UBE2R2: variants seen among roughly 807,000 people sequenced by gnomAD.
UBE2R2 encodes the protein ubiquitin conjugating enzyme E2 R2, also known as ubiquitin-conjugating enzyme E2 R2.
A neutral mutation model predicts 27.8 loss-of-function variants in UBE2R2; 1 was observed. The ratio of observed to expected loss-of-function variants is 0.04; its 90% CI spans 0.01 to 0.17. UBE2R2 has a LOEUF of 0.17. Ranked by LOEUF, UBE2R2 falls within the 10% of genes least tolerant of loss-of-function variation. The pLI, the probability that UBE2R2 is intolerant of heterozygous loss-of-function variation, is 1.00. For missense variants in UBE2R2, 100 were observed against 291.0 expected, an observed-to-expected ratio of 0.34 and a Z score of 4.78; for synonymous variants, 106 against 113.3, an observed-to-expected ratio of 0.94 and a Z score of 0.41.
intron 1 of UBE2R2, among the ~76,000 whole-genome samples, chr9:33,869,143 CCT>C (rs775970026): frequency 6.6e-6 from 1 of 152,006 alleles, no homozygotes; most frequent in Non-Finnish European, 1.5e-5. Context: ...GTGGTGCAGG[CCT>C]CTAGTCCTAG....
At chr9:33,851,202 C>G (rs945381093) in intron 1 of UBE2R2, among the ~76,000 whole-genome samples, 2 of 151,134 alleles carry the variant, frequency 1.3e-5, no homozygotes, top group African/African-American at 4.9e-5. Context: ...CACAAACTTA[C>G]AAATTCAAAG....
In UBE2R2 at chr9:33,837,482, G is replaced by A. The variant is rs956418196; in HGVS notation, c.177+19548G>A. Reference sequence around the variant, plus strand: ...GCTCTGCTGCCTAAGCTGGAGTGCAGTGGTGCGAACATAGCTTACTGCAAC... The same window carrying A: ...GCTCTGCTGCCTAAGCTGGAGTGCAATGGTGCGAACATAGCTTACTGCAAC... On this transcript the variant is annotated intron_variant, in intron 1 of 4. Transcript: ENST00000263228. 2.0e-5 allele frequency among the ~76,000 whole-genome samples: 3 copies of A among 150,050 alleles called. No individual in the cohort carries two copies. In the East Asian group the frequency reaches 5.9e-4, roughly 29 times the overall value.
In UBE2R2 at chr9:33,911,919, T is replaced by C. The variant is rs572380270; in HGVS notation, c.363-45T>C. On this transcript the variant is annotated intron_variant, in intron 3 of 4. Transcript: ENST00000263228. Reference sequence around the variant, plus strand: ...TAAAAAGCAGAATACTTTTAAATACTGTAAATATGGGTATTCATAGCTGAT... The same window carrying C: ...TAAAAAGCAGAATACTTTTAAATACCGTAAATATGGGTATTCATAGCTGAT... 3.2e-6 allele frequency: 5 copies of C among 1,561,104 alleles called. No individual in the cohort carries two copies. In the South Asian group the frequency reaches 6.1e-5, roughly 19 times the overall value.
intron 1 of UBE2R2, among the ~76,000 whole-genome samples, chr9:33,820,862 A>G (rs1263038913): frequency 6.6e-6 from 1 of 152,154 alleles, no homozygotes; most frequent in Non-Finnish European, 1.5e-5. Flanking sequence ...CAGGATCTGC[A>G]TTGGAGATTT....
chr9:33,820,840 G>A (rs769897266), intron 1 of UBE2R2, among the ~76,000 whole-genome samples: 1 of 152,238 alleles, frequency 6.6e-6, no homozygotes, highest in East Asian at 1.9e-4. Flanking sequence ...GTTGGCTCTT[G>A]TCTCTTACCC....
chr9:33,835,970 T>C (rs1238209437), intron 1 of UBE2R2, among the ~76,000 whole-genome samples: 1 of 152,152 alleles, frequency 6.6e-6, no homozygotes, highest in Non-Finnish European at 1.5e-5. Context: ...AGAAGCTAAG[T>C]GTTGTTTCAA....
rs1178715630 is a variant in UBE2R2 at position 33,829,795 on chromosome 9, T to TG, written c.177+11861_177+11862insG. On this transcript the variant is annotated intron_variant, in intron 1 of 4. Transcript: ENST00000263228. ...AGCATCTTTAGATTAGTGCAATCGT[T>TG]TTTTTTTTTTTTTTTTTTTTAAACA... 8.8e-5 allele frequency among the ~76,000 whole-genome samples: 7 copies of TG among 79,812 alleles called. No individual in the cohort carries two copies. The East Asian group carries it at 4.1e-3, about 46-fold the overall frequency. The allele number at this position is 79,812 out of a possible 152,430, so 52.4% of individuals were successfully genotyped here. A position where few individuals can be genotyped will look rare whatever the true frequency, so the allele number is the denominator to read the frequency against.
At chr9:33,840,570 G>A (rs1017079466) in intron 1 of UBE2R2, among the ~76,000 whole-genome samples, 16 of 152,094 alleles carry the variant, frequency 1.1e-4, no homozygotes, top group Admixed American at 6.6e-5. Flanking sequence ...ACTCTGGTTC[G>A]GTCTCTTTAG....
intron 1 of UBE2R2, among the ~76,000 whole-genome samples, chr9:33,883,309 T>C (rs1821773825): frequency 6.6e-6 from 1 of 152,162 alleles, no homozygotes; most frequent in East Asian, 1.9e-4. Context: ...TTCTATAGGT[T>C]AAGGACTCAG....
chr9:33,829,539 A>G (rs1820397334), intron 1 of UBE2R2, among the ~76,000 whole-genome samples: 1 of 152,222 alleles, frequency 6.6e-6, no homozygotes, highest in South Asian at 2.1e-4. Flanking sequence ...ATCTGTTTTT[A>G]TAAAAAGTTG....
intron 1 of UBE2R2, among the ~76,000 whole-genome samples, chr9:33,853,405 G>A (rs1821016044): frequency 6.7e-6 from 1 of 149,664 alleles, no homozygotes; most frequent in South Asian, 2.1e-4. Context: ...TTCTGCCTCA[G>A]CCTCCTGAAT....
chr9:33,827,299 A>G (rs1297145521), intron 1 of UBE2R2, among the ~76,000 whole-genome samples: 1 of 152,158 alleles, frequency 6.6e-6, no homozygotes, highest in Non-Finnish European at 1.5e-5. Flanking sequence ...ATTGTACTCT[A>G]GCTGGGTAAC....
At chr9:33,875,132 A>G (rs1821574472) in intron 1 of UBE2R2, among the ~76,000 whole-genome samples, 1 of 151,910 alleles carries the variant, frequency 6.6e-6, no homozygotes, top group African/African-American at 2.4e-5. Context: ...TTTACTTTTT[A>G]AAAAACTTTA....
At chr9:33,911,353 G>A (rs1459466349) in intron 3 of UBE2R2, among the ~76,000 whole-genome samples, 1 of 123,774 alleles carries the variant, frequency 8.1e-6, no homozygotes, top group South Asian at 2.7e-4. Context: ...TGGAGGTTGC[G>A]ATCACACCAT....
chr9:33,877,819 G>GTCTCTCTCTCTCTCTCTCTCTC lies in UBE2R2; in HGVS notation c.178-9059_178-9058insCTCTCTCTCTCTCTCTCTCTCT, dbSNP rs1435783363. Among the ~76,000 whole-genome samples, 657 of 92,786 alleles carry GTCTCTCTCTCTCTCTCTCTCTC rather than the reference G, an allele frequency of 7.1e-3. 9 individuals carry two copies. Among genetic ancestry groups the GTCTCTCTCTCTCTCTCTCTCTC allele is most frequent in the South Asian group, 0.029 (74 of 2,550 alleles). The allele number at this position is 92,786 out of a possible 152,430, so 60.9% of individuals were successfully genotyped here. A position where few individuals can be genotyped will look rare whatever the true frequency, so the allele number is the denominator to read the frequency against. On this transcript the variant is annotated intron_variant, in intron 1 of 4. Coordinates refer to ENST00000263228, the MANE Select transcript of UBE2R2 (RefSeq NM_017811.4). ...CCCCTCTCTGTCTGTCTGTCTGTCT[G>GTCTCTCTCTCTCTCTCTCTCTC]TCTGTCTCTCTCTCTCTCTCTCTCT...
At position 33,876,313 on chromosome 9, in the gene UBE2R2, G is replaced by A. The variant is rs1239538573; in HGVS notation, c.178-10568G>A. Among the ~76,000 whole-genome samples the A allele has an allele frequency of 3.3e-5, 5 of 152,208 alleles. No homozygotes were observed. In the South Asian group the frequency reaches 6.2e-4, roughly 19 times the overall value. ...GGAGGTTGCAGTGAGCCAAGATTGC[G>A]CCAATGCACTCTAGCCTGGGCGACA... On this transcript the variant is annotated intron_variant, in intron 1 of 4. Coordinates refer to ENST00000263228, the MANE Select transcript of UBE2R2 (RefSeq NM_017811.4).
intron 2 of UBE2R2, among the ~76,000 whole-genome samples, chr9:33,896,528 C>T (rs1255718964): frequency 6.6e-6 from 1 of 151,862 alleles, no homozygotes; most frequent in African/African-American, 2.4e-5. Context: ...CTGCAACCTC[C>T]GCCTCCTGGG....
intron 4 of UBE2R2, among the ~76,000 whole-genome samples, chr9:33,913,158 A>C (rs1371266271): frequency 6.6e-6 from 1 of 151,816 alleles, no homozygotes; most frequent in East Asian, 1.9e-4. Flanking sequence ...ACAGGGTTTC[A>C]CCATGTTGGC....
chr9:33,823,629 G>A (rs926489310), intron 1 of UBE2R2, among the ~76,000 whole-genome samples: 2 of 152,176 alleles, frequency 1.3e-5, no homozygotes, highest in African/African-American at 4.8e-5. Context: ...ACCCGCCTTG[G>A]CCTCCCAAAG....
Sources: gnomAD v4.1 joint callset for allele counts (sites outside exome capture counted in the v4.1 genomes callset) on GRCh38, gnomAD v4.1.1 for gene constraint, MANE v1.5 for transcripts, NCBI Gene and HGNC (gene_info 2026-07-23, HGNC 2026-07-21) for gene names.